Variants in ZNF33A observed in about 807,000 individuals in gnomAD.
The protein encoded by ZNF33A is zinc finger protein 33A.
A neutral mutation model predicts 15.9 loss-of-function variants in ZNF33A; 9 were observed. That is an observed-to-expected ratio of 0.57 (90% CI 0.34 to 0.99). The LOEUF (loss-of-function observed/expected upper bound fraction) is 0.99. Ranked by LOEUF, ZNF33A falls within the 50% of genes least tolerant of loss-of-function variation. ZNF33A has a pLI of 0.02. For missense variants in ZNF33A, 843 were observed against 941.6 expected (o/e 0.90, Z 1.37); for synonymous variants, 294 against 324.2 (o/e 0.91, Z 1.00).
At chr10:38,064,004 AAAG>A, downstream of ZNF33A, 1 of 1,316,184 alleles carries the variant, frequency 7.6e-7, no homozygotes, top group Non-Finnish European at 1.1e-6. Flanking sequence ...AACAGGAAGA[AAAG>A]AGGGCTTTCA....
chr10:38,043,470 A>G (rs542095581), intron 4 of ZNF33A, among the ~76,000 whole-genome samples: 133 of 151,592 alleles, frequency 8.8e-4, no homozygotes, highest in Middle Eastern at 6.8e-3. Context: ...CACGTTGTGC[A>G]CATGTACCCT....
At chr10:38,060,106 T>G, downstream of ZNF33A, 1 of 983,878 alleles carries the variant, frequency 1.0e-6, no homozygotes, top group Non-Finnish European at 1.2e-6. Flanking sequence ...GTTAGTTGTA[T>G]GTTTCTGACT....
At chr10:38,026,520 A>G (rs2064998213) in intron 4 of ZNF33A, among the ~76,000 whole-genome samples, 1 of 152,154 alleles carries the variant, frequency 6.6e-6, no homozygotes, top group Non-Finnish European at 1.5e-5. Context: ...GTTTTAGTAG[A>G]GACGGGGTTT....
At position 38,032,142 on chromosome 10, in the gene ZNF33A, G is replaced by A. The variant is rs767199444; in HGVS notation, c.250+14756G>A. On this transcript the variant is annotated intron_variant, in intron 4 of 4. Coordinates refer to ENST00000432900, the MANE Select transcript of ZNF33A (RefSeq NM_006954.2). The stretch of plus-strand genomic sequence containing the variant: ...GACAATAAAAAAAAATAAAACAAGG[G>A]TTGGGAAGTCAAATTGTCATTTTGT... 3.7e-4 allele frequency among the ~76,000 whole-genome samples: 56 copies of A among 151,976 alleles called. 1 individual carries two copies. Among genetic ancestry groups the A allele is most frequent in the Non-Finnish European group, 1.2e-4 (8 of 68,000 alleles).
chr10:38,012,449 T>TGA, intron 2 of ZNF33A, 99 bp downstream of exon 2: 1 of 1,175,804 alleles, frequency 8.5e-7, no homozygotes, highest in Non-Finnish European at 1.2e-6. Context: ...TTTTTTTTTG[T>TGA]GAGACGGAGT....
chr10:38,031,705 C>G (rs1178833697), intron 4 of ZNF33A, among the ~76,000 whole-genome samples: 2 of 152,128 alleles, frequency 1.3e-5, no homozygotes, highest in African/African-American at 4.8e-5. Flanking sequence ...TAGCTCACGC[C>G]TATAACCCCA....
At chr10:38,032,669 C>T (rs1339235251) in intron 4 of ZNF33A, among the ~76,000 whole-genome samples, 1 of 152,014 alleles carries the variant, frequency 6.6e-6, no homozygotes, top group Non-Finnish European at 1.5e-5. Flanking sequence ...CCAGGCTGGT[C>T]TCAAACTCCT....
chr10:38,030,696 T>C (rs1172083392), intron 4 of ZNF33A, among the ~76,000 whole-genome samples: 1 of 152,070 alleles, frequency 6.6e-6, no homozygotes, highest in Non-Finnish European at 1.5e-5. Context: ...TGCTTGTCAG[T>C]AGGAATTTGG....
At position 38,054,495 on chromosome 10, in the gene ZNF33A, T is replaced by C. The variant is rs1337139636; in HGVS notation, c.371T>C (p.Ile124Thr). 1.4e-5 allele frequency: 22 copies of C among 1,612,796 alleles called. No homozygotes were observed. The highest frequency in any genetic ancestry group is 1.7e-5 in the Non-Finnish European group (20 of 1,179,664). The change falls in exon 5 of 5, where the codon ATA becomes ACA. Residue 124 changes from isoleucine to threonine, a missense_variant. By Grantham distance (89) the Ile-to-Thr change is moderately conservative. Transcript: ENST00000432900. ...AAGGAACAAGGTGATGTAATAGGAA[T>C]ACCATTTAATGTGGATGTAAGTTCT... Reference protein sequence around the residue: ...LTKEQGDVIGIPFNVDVSSFP... With the variant: ...LTKEQGDVIGTPFNVDVSSFP...
At chr10:38,067,430 T>C (rs2066718552), downstream of ZNF33A, among the ~76,000 whole-genome samples, 1 of 152,222 alleles carries the variant, frequency 6.6e-6, no homozygotes, top group Non-Finnish European at 1.5e-5. Flanking sequence ...TAAACAATGC[T>C]TGAAGGGCAT....
downstream of ZNF33A, among the ~76,000 whole-genome samples, chr10:38,061,185 G>A (rs185335838): frequency 9.9e-5 from 15 of 152,258 alleles, no homozygotes; most frequent in Admixed American, 6.5e-4. Context: ...CCTATTGTGA[G>A]GTTTGTGGAA....
chr10:38,050,939 T>C (rs2066172831), intron 4 of ZNF33A, among the ~76,000 whole-genome samples: 1 of 151,372 alleles, frequency 6.6e-6, no homozygotes, highest in African/African-American at 2.4e-5. Flanking sequence ...TCTTAAGAAC[T>C]GCTGCAACAT....
At chr10:38,031,835 C>G (rs754108336) in intron 4 of ZNF33A, among the ~76,000 whole-genome samples, 16 of 151,186 alleles carry the variant, frequency 1.1e-4, no homozygotes, top group Admixed American at 3.9e-4. Context: ...TGATGGTGCA[C>G]TCCTGTAGTC....
At chr10:38,025,732 G>T (rs781548797) in intron 4 of ZNF33A, among the ~76,000 whole-genome samples, 3 of 152,210 alleles carry the variant, frequency 2.0e-5, no homozygotes, top group Non-Finnish European at 4.4e-5. Context: ...AAGAAATTCA[G>T]CCAGGTATTC....
At chr10:38,022,141 G>C (rs952213511) in intron 4 of ZNF33A, among the ~76,000 whole-genome samples, 1 of 152,048 alleles carries the variant, frequency 6.6e-6, no homozygotes, top group Non-Finnish European at 1.5e-5. Flanking sequence ...ACTGGAAGCA[G>C]AAATCAGTAA....
At chr10:38,049,921 A>G (rs2066122735) in intron 4 of ZNF33A, among the ~76,000 whole-genome samples, 1 of 152,228 alleles carries the variant, frequency 6.6e-6, no homozygotes, top group Non-Finnish European at 1.5e-5. Flanking sequence ...TGAGGAAGTG[A>G]GGAAATACTA....
In ZNF33A at chr10:38,056,638, G is replaced by A; in HGVS notation, c.*78G>A. ...CATAGACTACAACAATTATAGGACAGCTTTTGTTAGGAAGTGATATTCTAT... is the reference window on the plus strand; with the variant it reads ...CATAGACTACAACAATTATAGGACAACTTTTGTTAGGAAGTGATATTCTAT... On this transcript the variant is annotated 3_prime_UTR_variant, in exon 5 of 5. Coordinates refer to ENST00000432900, the MANE Select transcript of ZNF33A (RefSeq NM_006954.2). 2.0e-6 allele frequency: 3 copies of A among 1,476,014 alleles called. No homozygotes were observed. Among genetic ancestry groups the A allele is most frequent in the Non-Finnish European group, 2.7e-6 (3 of 1,119,864 alleles). 91.4% of individuals were successfully genotyped at this position (1,476,014 alleles called of 1,614,324 possible). A position where few individuals can be genotyped will look rare whatever the true frequency, so the allele number is the denominator to read the frequency against.
rs543340208 is a variant in ZNF33A, at chr10:38,020,483, C to T, written c.250+3097C>T. Among the ~76,000 whole-genome samples, 6 of 152,208 alleles carry T rather than the reference C, an allele frequency of 3.9e-5. No individual in the cohort carries two copies. In the South Asian group the frequency reaches 1.0e-3, roughly 26 times the overall value. ...GGTTTTTTTCTACCCTTTAACCATC[C>T]TCACCTTCCCCCGACCCCACCCCAC... On this transcript the variant is annotated intron_variant, in intron 4 of 4. Transcript: ENST00000432900.
At chr10:38,022,797 A>G (rs1218326798) in intron 4 of ZNF33A, among the ~76,000 whole-genome samples, 2 of 152,186 alleles carry the variant, frequency 1.3e-5, no homozygotes, top group Non-Finnish European at 2.9e-5. Flanking sequence ...CATAATTTGA[A>G]TCAAATAATT....
Sources: gnomAD v4.1 joint callset for allele counts (sites outside exome capture counted in the v4.1 genomes callset) on GRCh38, gnomAD v4.1.1 for gene constraint, MANE v1.5 for transcripts, NCBI Gene and HGNC (gene_info 2026-07-23, HGNC 2026-07-21) for gene names.